Variants in KLHL13 observed in about 807,000 individuals in gnomAD.
KLHL13 encodes the protein kelch-like protein 13.
In KLHL13, 10 loss-of-function variants were observed where a neutral mutation model predicts 37.1. That is an observed-to-expected ratio of 0.27 (90% CI 0.17 to 0.46). KLHL13 has a LOEUF of 0.46. Ranked by LOEUF, KLHL13 falls within the 20% of genes least tolerant of loss-of-function variation. KLHL13 has a pLI of 1.00. For missense variants in KLHL13, 360 were observed against 509.3 expected, an observed-to-expected ratio of 0.71 and a Z score of 2.82; for synonymous variants, 163 against 181.2, an observed-to-expected ratio of 0.90 and a Z score of 0.81.
chrX:118,015,716 T>C (rs1348135795), intron 1 of KLHL13, among the ~76,000 whole-genome samples: 3 of 111,738 alleles, frequency 2.7e-5, no homozygotes, highest in Non-Finnish European at 5.7e-5. Context: ...TCTTCAGTTA[T>C]AGGAACAAAT....
chrX:117,979,359 C>T (rs2053633513), intron 1 of KLHL13, among the ~76,000 whole-genome samples: 1 of 111,641 alleles, frequency 9.0e-6, no homozygotes, highest in Non-Finnish European at 1.9e-5. Flanking sequence ...GGTAACATAT[C>T]CAATGCTCCA....
At chrX:118,025,918 A>G (rs2054269660) in intron 1 of KLHL13, among the ~76,000 whole-genome samples, 1 of 111,758 alleles carries the variant, frequency 8.9e-6, no homozygotes, top group Non-Finnish European at 1.9e-5. Flanking sequence ...GAAAATGTTT[A>G]TATTTGTGAG....
At chrX:118,101,883 A>T (rs961483840) in intron 1 of KLHL13, among the ~76,000 whole-genome samples, 2 of 111,910 alleles carry the variant, frequency 1.8e-5, no homozygotes, top group African/African-American at 3.2e-5. Context: ...TTCCACCATG[A>T]TTGTAAGTTT....
chrX:118,049,440 T>C (rs761843201), intron 1 of KLHL13, among the ~76,000 whole-genome samples: 7 of 111,873 alleles, frequency 6.3e-5, no homozygotes, highest in African/African-American at 9.7e-5. Context: ...CTTTAAAAAA[T>C]AGTTTGTTAG....
In KLHL13 at chrX:117,967,720, T is replaced by C. The variant is rs141164024; in HGVS notation, c.98+5011A>G. On this transcript the variant is annotated intron_variant, in intron 1 of 6. Coordinates refer to ENST00000262820, the Ensembl canonical transcript of KLHL13. ...TCTTGTGTGCAATATTTTTCTGTTA[T>C]ATTAAATGATTTCAAGAGGTCTTTT... 7.0e-3 allele frequency among the ~76,000 whole-genome samples: 789 copies of C among 112,209 alleles called. 3 individuals are homozygous for C. The highest frequency in any genetic ancestry group is 0.024 in the African/African-American group (744 of 30,941).
At chrX:117,905,444 G>A (rs1280856996) in intron 5 of KLHL13, among the ~76,000 whole-genome samples, 1 of 110,898 alleles carries the variant, frequency 9.0e-6, no homozygotes, top group East Asian at 2.9e-4. Context: ...TCAAAGGAAA[G>A]CAGCATTTTG....
At chrX:117,905,163 A>G (rs1176788698) in intron 5 of KLHL13, among the ~76,000 whole-genome samples, 1 of 111,294 alleles carries the variant, frequency 9.0e-6, no homozygotes, top group Admixed American at 9.6e-5. Context: ...GAGGCATTTA[A>G]TAAATTTTAG....
chrX:118,029,388 G>A (rs1334727559), intron 1 of KLHL13, among the ~76,000 whole-genome samples: 4 of 111,661 alleles, frequency 3.6e-5, no homozygotes, highest in Non-Finnish European at 7.5e-5. Flanking sequence ...ATAAAATAGC[G>A]GATAGAAATA....
At chrX:118,066,509 G>A (rs752983163) in intron 1 of KLHL13, among the ~76,000 whole-genome samples, 73 of 111,597 alleles carry the variant, frequency 6.5e-4, no homozygotes, top group Middle Eastern at 4.6e-3. Context: ...GTGGATCACA[G>A]ATCTAAATAT....
chrX:118,021,409 G>T (rs2054210210), intron 1 of KLHL13, among the ~76,000 whole-genome samples: 1 of 106,730 alleles, frequency 9.4e-6, no homozygotes, highest in South Asian at 4.5e-4. Flanking sequence ...CCCACGACAG[G>T]CCCTGGTGTG....
rs189979693 is a variant in KLHL13 at position 118,032,876 on chromosome X, C to T, written c.-56+83632G>A. Among the ~76,000 whole-genome samples the T allele has an allele frequency of 2.2e-3, 249 of 110,958 alleles. 1 individual carries two copies. Among genetic ancestry groups the T allele is most frequent in the African/African-American group, 7.8e-3 (236 of 30,399 alleles). On this transcript the variant is annotated intron_variant, in intron 1 of 6. Transcript: ENST00000371882. The stretch of plus-strand genomic sequence containing the variant: ...TAGAAGAATGTATAACTAGAATAAC[C>T]AATATAGAGAAGTGCTTAAAGGAGC...
At chrX:118,012,279 G>A (rs1440584895) in intron 1 of KLHL13, among the ~76,000 whole-genome samples, 1 of 112,041 alleles carries the variant, frequency 8.9e-6, no homozygotes, top group Non-Finnish European at 1.9e-5. Context: ...ATCACAAATG[G>A]TGGCTTTAAA....
chrX:118,084,150 T>C (rs2055028125), intron 1 of KLHL13, among the ~76,000 whole-genome samples: 1 of 103,686 alleles, frequency 9.6e-6, no homozygotes, highest in South Asian at 4.2e-4. Flanking sequence ...TGAAACTCTG[T>C]CTCTACAAAA....
At chrX:117,930,276 G>GGAAGGAAGGAAA (rs1932362685) in intron 2 of KLHL13, among the ~76,000 whole-genome samples, 4 of 99,108 alleles carry the variant, frequency 4.0e-5, no homozygotes, top group Non-Finnish European at 4.1e-5. Flanking sequence ...AAGGAAGGAA[G>GGAAGGAAGGAAA]GAAGGAAGGA....
At chrX:117,990,675 T>C (rs1052717768) in intron 1 of KLHL13, among the ~76,000 whole-genome samples, 6 of 111,565 alleles carry the variant, frequency 5.4e-5, no homozygotes, top group Non-Finnish European at 1.1e-4. Flanking sequence ...ACATCACCAA[T>C]ACCTGGTAAT....
At chrX:118,105,371 C>A (rs2055335006) in intron 1 of KLHL13, among the ~76,000 whole-genome samples, 1 of 112,487 alleles carries the variant, frequency 8.9e-6, no homozygotes, top group Non-Finnish European at 1.9e-5. Context: ...GGATTTTACT[C>A]CTAGTTCTTA....
In KLHL13 at chrX:118,011,477, C is replaced by CA. The variant is rs368476848; in HGVS notation, c.-55-65903dup. On this transcript the variant is annotated intron_variant, in intron 1 of 6. Transcript: ENST00000371882. ...AGAAGGGGAGGGCTAAGACTAGAAG[C>CA]AAAAAAAAAAAACAGATTAGAAGGA... 4.2e-3 allele frequency among the ~76,000 whole-genome samples: 349 copies of CA among 82,975 alleles called. 2 individuals carry two copies. The highest frequency in any genetic ancestry group is 9.9e-3 in the African/African-American group (234 of 23,719). 72.1% of individuals were successfully genotyped at this position (82,975 alleles called of 115,157 possible). A position where few individuals can be genotyped will look rare whatever the true frequency, so the allele number is the denominator to read the frequency against.
intron 1 of KLHL13, among the ~76,000 whole-genome samples, chrX:118,056,629 A>G (rs1225694929): frequency 8.9e-6 from 1 of 111,953 alleles, no homozygotes; most frequent in Non-Finnish European, 1.9e-5. Context: ...CTCTTTGTTC[A>G]AATAACTCAT....
intron 1 of KLHL13, among the ~76,000 whole-genome samples, chrX:117,979,624 T>A (rs1357926887): frequency 9.0e-6 from 1 of 111,627 alleles, no homozygotes; most frequent in African/African-American, 3.3e-5. Flanking sequence ...CTGAAAGATT[T>A]TTAAAACACT....
Sources: gnomAD v4.1 joint callset for allele counts (sites outside exome capture counted in the v4.1 genomes callset) on GRCh38, gnomAD v4.1.1 for gene constraint, MANE v1.5 for transcripts, NCBI Gene and HGNC (gene_info 2026-07-23, HGNC 2026-07-21) for gene names.